Variants in SLC4A10 observed in about 807,000 individuals in gnomAD.
SLC4A10 encodes the protein sodium-driven chloride bicarbonate exchanger.
In SLC4A10, 42 loss-of-function variants were observed where a neutral mutation model predicts 137.7. That is an observed-to-expected ratio of 0.30 (90% CI 0.24 to 0.39). The LOEUF (loss-of-function observed/expected upper bound fraction) is 0.39, where lower values mean the gene tolerates loss of function less well. Among genes scored for constraint, SLC4A10 ranks in the 10% least tolerant of loss-of-function variants. The pLI, the probability that SLC4A10 is intolerant of heterozygous loss-of-function variation, is 1.00. For missense variants in SLC4A10, 925 were observed against 1,355.0 expected (o/e 0.68, Z 4.98); for synonymous variants, 474 against 464.1 (o/e 1.02, Z -0.27).
At chr2:161,767,832 C>A (rs1574862149) in intron 1 of SLC4A10, among the ~76,000 whole-genome samples, 1 of 152,010 alleles carries the variant, frequency 6.6e-6, no homozygotes, top group East Asian at 1.9e-4. Context: ...GTTTGCCCCC[C>A]AAAACAAGGC....
At chr2:161,791,084 A>G (rs1274091036) in intron 2 of SLC4A10, among the ~76,000 whole-genome samples, 3 of 152,190 alleles carry the variant, frequency 2.0e-5, no homozygotes, top group South Asian at 4.1e-4. Flanking sequence ...TAGAGGCAGA[A>G]ATACCATTTG....
At chr2:161,660,773 C>T (rs2038273280) in intron 1 of SLC4A10, among the ~76,000 whole-genome samples, 1 of 151,570 alleles carries the variant, frequency 6.6e-6, no homozygotes, top group Non-Finnish European at 1.5e-5. Context: ...CCTGCCTCAG[C>T]CTCCCAAGTG....
intron 1 of SLC4A10, among the ~76,000 whole-genome samples, chr2:161,652,898 A>G (rs1466674292): frequency 6.6e-6 from 1 of 151,784 alleles, no homozygotes. Flanking sequence ...CATGTGCATA[A>G]CGTGCAGGTT....
At chr2:161,650,757 G>A (rs954781697) in intron 1 of SLC4A10, among the ~76,000 whole-genome samples, 9 of 152,104 alleles carry the variant, frequency 5.9e-5, no homozygotes, top group Non-Finnish European at 1.2e-4. Context: ...GCCCCCTGCT[G>A]CCTTGGCCAC....
At chr2:161,834,354 A>G (rs563193129) in intron 3 of SLC4A10, among the ~76,000 whole-genome samples, 244 of 152,232 alleles carry the variant, frequency 1.6e-3, no homozygotes, top group African/African-American at 5.6e-3. Context: ...ACCCTTCCCA[A>G]CAAAAGATTT....
chr2:161,648,259 G>A (rs2036330050), intron 1 of SLC4A10, among the ~76,000 whole-genome samples: 1 of 151,814 alleles, frequency 6.6e-6, no homozygotes, highest in South Asian at 2.1e-4. Context: ...TTACTTACCT[G>A]AGGCTGCAAC....
In SLC4A10 at chr2:161,629,507, T is replaced by G. The variant is rs1057333747; in HGVS notation, c.48+4941T>G. Reference sequence around the variant, plus strand: ...CCCTTACACATACATAGCTCCCCCATTAACAAGATCTCTCACCAGAGTGGT... The same window carrying G: ...CCCTTACACATACATAGCTCCCCCAGTAACAAGATCTCTCACCAGAGTGGT... On this transcript the variant is annotated intron_variant, in intron 1 of 26. Transcript: ENST00000446997. Among the ~76,000 whole-genome samples the G allele has an allele frequency of 1.6e-4, 24 of 152,014 alleles. 1 individual carries two copies. Among genetic ancestry groups the G allele is most frequent in the Non-Finnish European group, 8.8e-5 (6 of 67,836 alleles).
At chr2:161,915,231 G>A (rs1686864318) in intron 15 of SLC4A10, among the ~76,000 whole-genome samples, 1 of 151,964 alleles carries the variant, frequency 6.6e-6, no homozygotes, top group African/African-American at 2.4e-5. Context: ...TGACTTCAGG[G>A]GAGAGCAACC....
chr2:161,687,968 A>G (rs892571065), intron 1 of SLC4A10, among the ~76,000 whole-genome samples: 3 of 152,038 alleles, frequency 2.0e-5, no homozygotes, highest in Non-Finnish European at 4.4e-5. Context: ...TAGCAATGTA[A>G]GAATGGACTA....
At chr2:161,817,404 C>T (rs192531107) in intron 3 of SLC4A10, among the ~76,000 whole-genome samples, 485 of 152,168 alleles carry the variant, frequency 3.2e-3, no homozygotes, top group African/African-American at 9.0e-3. Context: ...GAGTAGGTTG[C>T]GAAAATTTTC....
At chr2:161,821,537 G>A (rs905209823) in intron 3 of SLC4A10, among the ~76,000 whole-genome samples, 2 of 152,194 alleles carry the variant, frequency 1.3e-5, no homozygotes, top group African/African-American at 2.4e-5. Flanking sequence ...GCTGAGGTGA[G>A]AGAATTGCTT....
At chr2:161,769,611 G>T (rs2051319928) in intron 1 of SLC4A10, among the ~76,000 whole-genome samples, 1 of 151,852 alleles carries the variant, frequency 6.6e-6, no homozygotes, top group Non-Finnish European at 1.5e-5. Flanking sequence ...TGATCATGTA[G>T]TCCAAGTTCA....
chr2:161,933,735 C>T (rs1691049144), intron 15 of SLC4A10, among the ~76,000 whole-genome samples: 1 of 152,142 alleles, frequency 6.6e-6, no homozygotes, highest in African/African-American at 2.4e-5. Flanking sequence ...CATTGATGGG[C>T]ACTTAGGTTG....
chr2:161,753,136 A>C (rs2125315222), intron 1 of SLC4A10, among the ~76,000 whole-genome samples: 1 of 152,288 alleles, frequency 6.6e-6, no homozygotes, highest in East Asian at 1.9e-4. Flanking sequence ...ATTATAAAAC[A>C]ATTCATAATC....
chr2:161,679,685 A>AAG (rs2040637650), intron 1 of SLC4A10, among the ~76,000 whole-genome samples: 2 of 72,782 alleles, frequency 2.7e-5, no homozygotes, highest in African/African-American at 1.3e-4. Context: ...TTGTAGGTCA[A>AAG]CGTGTGTGTG....
rs137904723 is a variant in SLC4A10, at chr2:161,714,456, A to G, written c.49-56517A>G. ...GACTTTTAAAAATGGCAATATGGGA[A>G]GATTAATAAGAAGAATAAGTTAAGG... is the stretch of plus-strand genomic sequence containing the variant. On this transcript the variant is annotated intron_variant, in intron 1 of 26. Transcript: ENST00000446997. Among the ~76,000 whole-genome samples, 537 of 152,084 alleles carry G rather than the reference A, an allele frequency of 3.5e-3. 3 individuals carry two copies. Among genetic ancestry groups the G allele is most frequent in the African/African-American group, 0.012 (506 of 41,540 alleles).
chr2:161,767,164 T>TATATACACATATATA (rs1205031482), intron 1 of SLC4A10, among the ~76,000 whole-genome samples: 1 of 85,550 alleles, frequency 1.2e-5, no homozygotes, highest in South Asian at 4.5e-4. Flanking sequence ...TGTGTGTGTG[T>TATATACACATATATA]TTTATTTATA....
At chr2:161,874,696 T>A (rs2061355960) in intron 8 of SLC4A10, among the ~76,000 whole-genome samples, 1 of 152,214 alleles carries the variant, frequency 6.6e-6, no homozygotes, top group African/African-American at 2.4e-5. Flanking sequence ...CTGGAAAGTC[T>A]CTTGTTCATA....
At chr2:161,926,406 T>TC (rs1689121638) in intron 15 of SLC4A10, among the ~76,000 whole-genome samples, 1 of 119,312 alleles carries the variant, frequency 8.4e-6, no homozygotes, top group African/African-American at 2.8e-5. Flanking sequence ...TTTTTTTTTT[T>TC]TTTGGTAGAT....
Sources: gnomAD v4.1 joint callset for allele counts (sites outside exome capture counted in the v4.1 genomes callset) on GRCh38, gnomAD v4.1.1 for gene constraint, MANE v1.5 for transcripts, NCBI Gene and HGNC (gene_info 2026-07-23, HGNC 2026-07-21) for gene names.